Variants in EEF1AKMT2 observed in about 807,000 individuals in gnomAD.
EEF1AKMT2 encodes eukaryotic translation elongation factor 1 alpha lysine methyltransferase 2.
Under a neutral mutation model 35.8 loss-of-function variants are expected in EEF1AKMT2, and 32 were observed. The ratio of observed to expected loss-of-function variants is 0.89; its 90% CI spans 0.67 to 1.20. The LOEUF is 1.20. Ranked by LOEUF, EEF1AKMT2 falls within the 50% of genes most tolerant of loss-of-function variation. The pLI, the probability that EEF1AKMT2 is intolerant of heterozygous loss-of-function variation, is 0.00. For missense variants in EEF1AKMT2, 330 were observed against 347.5 expected, an observed-to-expected ratio of 0.95 and a Z score of 0.40; for synonymous variants, 121 against 133.7, an observed-to-expected ratio of 0.91 and a Z score of 0.65.
chr10:124,773,511 G>C (rs1359585241), intron 4 of EEF1AKMT2, among the ~76,000 whole-genome samples: 1 of 152,128 alleles, frequency 6.6e-6, no homozygotes, highest in Non-Finnish European at 1.5e-5. Flanking sequence ...GGGATTACAG[G>C]CATTAGCCAC....
intron 5 of EEF1AKMT2, 94 bp from the exon 6 acceptor site, chr10:124,762,652 T>C (rs1185689657): frequency 3.4e-6 from 2 of 583,548 alleles, no homozygotes; most frequent in Non-Finnish European, 4.4e-6. Flanking sequence ...TCATTATACA[T>C]CCTAATTCAT....
intron 3 of EEF1AKMT2, among the ~76,000 whole-genome samples, chr10:124,784,740 G>C (rs2947343): frequency 0.087 from 13,227 of 152,000 alleles, 808 homozygotes; most frequent in East Asian, 0.22. Flanking sequence ...AGACCAGCCT[G>C]GACAACATGG....
At position 124,771,112 on chromosome 10, in the gene EEF1AKMT2, T is replaced by C. The variant is rs535578135; in HGVS notation, c.399+3563A>G. ...CAGAAGGTTTTCTTTTTTCTTTTTT[T>C]TTTTTGAGACAGAGTCTTGCTCTGT... On this transcript the variant is annotated intron_variant, in intron 4 of 6. Coordinates refer to ENST00000368836, the MANE Select transcript of EEF1AKMT2 (RefSeq NM_212554.4). Among the ~76,000 whole-genome samples, 7 of 151,994 alleles carry C rather than the reference T, an allele frequency of 4.6e-5. No individual in the cohort carries two copies. In the South Asian group the frequency reaches 1.5e-3, roughly 32 times the overall value.
intron 4 of EEF1AKMT2, among the ~76,000 whole-genome samples, chr10:124,773,352 C>G (rs1950456356): frequency 6.6e-6 from 1 of 152,148 alleles, no homozygotes; most frequent in African/African-American, 2.4e-5. Flanking sequence ...GTTGTCCAGG[C>G]TGGAGTGTAG....
chr10:124,757,609 G>A (rs547729845), downstream of EEF1AKMT2, among the ~76,000 whole-genome samples: 2 of 151,944 alleles, frequency 1.3e-5, no homozygotes, highest in South Asian at 2.1e-4. Context: ...TCAACATACA[G>A]TACCACATTA....
intron 5 of EEF1AKMT2, among the ~76,000 whole-genome samples, chr10:124,763,828 A>C (rs1189567452): frequency 6.6e-6 from 1 of 152,194 alleles, no homozygotes; most frequent in East Asian, 1.9e-4. Context: ...TAAAACTGTC[A>C]AAGTTCAGGA....
intron 5 of EEF1AKMT2, among the ~76,000 whole-genome samples, chr10:124,762,954 T>C (rs2134119846): frequency 6.6e-6 from 1 of 152,332 alleles, no homozygotes; most frequent in Non-Finnish European, 1.5e-5. Context: ...ATTGGAGTTA[T>C]TATATTTCAA....
At position 124,791,870 on chromosome 10, in the gene EEF1AKMT2, TA is replaced by T. The variant is rs1297086876; in HGVS notation, c.-38del. Reference sequence around the variant, plus strand: ...TCCTGGACGGCCGTTGGGGCCGCCATAGAGACGGGGCACAGGCAGAGCGGAC... The same window carrying T: ...TCCTGGACGGCCGTTGGGGCCGCCATGAGACGGGGCACAGGCAGAGCGGAC... On this transcript the variant is annotated 5_prime_UTR_variant, in exon 1 of 7. Coordinates refer to ENST00000368836, the MANE Select transcript of EEF1AKMT2 (RefSeq NM_212554.4). The T allele has an allele frequency of 6.5e-7, 1 of 1,535,400 alleles. No homozygotes were observed. The highest frequency in any genetic ancestry group is 2.4e-5 in the East Asian group (1 of 40,874).
At chr10:124,768,499 C>T (rs1219148937) in intron 4 of EEF1AKMT2, among the ~76,000 whole-genome samples, 1 of 152,152 alleles carries the variant, frequency 6.6e-6, no homozygotes, top group Non-Finnish European at 1.5e-5. Flanking sequence ...AATCTCAACA[C>T]TTTGGGAGGC....
At chr10:124,767,847 G>A (rs1044750014) in intron 4 of EEF1AKMT2, among the ~76,000 whole-genome samples, 12 of 152,114 alleles carry the variant, frequency 7.9e-5, no homozygotes, top group Admixed American at 2.0e-4. Flanking sequence ...TTAGCTGGGC[G>A]TGGTGGCGCA....
chr10:124,787,137 G>C (rs564684239), intron 3 of EEF1AKMT2, among the ~76,000 whole-genome samples: 8 of 60,032 alleles, frequency 1.3e-4, no homozygotes, highest in African/African-American at 5.9e-4. Context: ...TAGTAGAGAC[G>C]GGGTTTCACC....
chr10:124,789,240 T>G, intron 2 of EEF1AKMT2, 83 bp from the exon 3 acceptor site: 1 of 830,090 alleles, frequency 1.2e-6, no homozygotes, highest in South Asian at 1.7e-5. Flanking sequence ...TTATACCATA[T>G]GCTCAAACTC....
chr10:124,768,437 G>A (rs538899397), intron 4 of EEF1AKMT2, among the ~76,000 whole-genome samples: 46 of 152,036 alleles, frequency 3.0e-4, no homozygotes, highest in Non-Finnish European at 4.9e-4. Flanking sequence ...GTTGAAACCC[G>A]GTCTCCACTA....
chr10:124,759,101 C>A lies in EEF1AKMT2; in HGVS notation c.*1402G>T, dbSNP rs1424682912. 2 of 152,060 alleles carry A rather than the reference C, an allele frequency of 1.3e-5. No homozygotes were observed. The highest frequency in any genetic ancestry group is 1.9e-4 in the East Asian group (1 of 5,202). The allele number at this position is 152,060 out of a possible 1,614,324, so 9.4% of individuals were successfully genotyped here. A position where few individuals can be genotyped will look rare whatever the true frequency, so the allele number is the denominator to read the frequency against. On this transcript the variant is annotated 3_prime_UTR_variant, in exon 7 of 7. Coordinates refer to ENST00000368836, the MANE Select transcript of EEF1AKMT2 (RefSeq NM_212554.4). Reference sequence around the variant, plus strand: ...AAAGTCACTTATGTAACCCAATAGGCCCACAAAGCTGAAAATCATCAAAAA... The same window carrying A: ...AAAGTCACTTATGTAACCCAATAGGACCACAAAGCTGAAAATCATCAAAAA...
chr10:124,781,223 C>T (rs1950536799), intron 3 of EEF1AKMT2, among the ~76,000 whole-genome samples: 1 of 151,902 alleles, frequency 6.6e-6, no homozygotes, highest in South Asian at 2.1e-4. Context: ...GGATTACAGG[C>T]GTGAGCCACC....
At chr10:124,761,219 T>C (rs1950329009) in intron 6 of EEF1AKMT2, among the ~76,000 whole-genome samples, 1 of 152,176 alleles carries the variant, frequency 6.6e-6, no homozygotes, top group Admixed American at 6.5e-5. Flanking sequence ...GCTTCATATG[T>C]AGTAATCTAA....
At chr10:124,782,227 T>C (rs1471067165) in intron 3 of EEF1AKMT2, among the ~76,000 whole-genome samples, 1 of 152,158 alleles carries the variant, frequency 6.6e-6, no homozygotes, top group Non-Finnish European at 1.5e-5. Context: ...CCAGGCACAG[T>C]GGCTCAAGCC....
chr10:124,786,517 AAAG>A (rs1383288467), intron 3 of EEF1AKMT2, among the ~76,000 whole-genome samples: 10 of 151,364 alleles, frequency 6.6e-5, no homozygotes, highest in South Asian at 6.3e-4. Flanking sequence ...AAAAAAAAAA[AAAG>A]AAGTTCAGGC....
rs995209823 is a variant in EEF1AKMT2, at chr10:124,758,938, T to C, written c.*1565A>G. ...TATTTTTGTTGACAGTCCACATACA[T>C]GTCTTCAACTATCTTGTCTTAATGG... On this transcript the variant is annotated 3_prime_UTR_variant, in exon 7 of 7. Transcript: ENST00000368836. The C allele has an allele frequency of 5.3e-5, 8 of 152,230 alleles. No homozygotes were observed. The highest frequency in any genetic ancestry group is 1.7e-4 in the African/African-American group (7 of 41,466). 9.4% of individuals were successfully genotyped at this position (152,230 alleles called of 1,614,324 possible). A position where few individuals can be genotyped will look rare whatever the true frequency, so the allele number is the denominator to read the frequency against.
Sources: gnomAD v4.1 joint callset for allele counts (sites outside exome capture counted in the v4.1 genomes callset) on GRCh38, gnomAD v4.1.1 for gene constraint, MANE v1.5 for transcripts, NCBI Gene and HGNC (gene_info 2026-07-23, HGNC 2026-07-21) for gene names.